ASIC2: variants seen among roughly 807,000 people sequenced by gnomAD.
The protein encoded by ASIC2 is acid sensing ion channel subunit 2, also known as acid-sensing ion channel 2.
ASIC2 carries 25 observed loss-of-function variants against 57.3 expected under a neutral mutation model. The ratio of observed to expected loss-of-function variants is 0.44; its 90% CI spans 0.32 to 0.61. ASIC2 has a LOEUF of 0.61. Among genes scored for constraint, ASIC2 ranks in the 20% least tolerant of loss-of-function variants. The probability of loss-of-function intolerance (pLI) is 0.06; values close to 1 mark genes in which losing one functional copy is unlikely to be tolerated. For synonymous variants in ASIC2, 319 were observed against 307.5 expected (o/e 1.04, Z -0.39); for missense variants, 641 against 738.1 (o/e 0.87, Z 1.52).
chr17:33,431,759 A>G (rs1050983293), intron 1 of ASIC2, among the ~76,000 whole-genome samples: 4 of 152,220 alleles, frequency 2.6e-5, no homozygotes, highest in African/African-American at 9.6e-5. Flanking sequence ...ATTGCGTTAA[A>G]ATAAACATCA....
At chr17:33,611,993 C>T (rs1332801143) in intron 1 of ASIC2, among the ~76,000 whole-genome samples, 1 of 152,164 alleles carries the variant, frequency 6.6e-6, no homozygotes, top group Non-Finnish European at 1.5e-5. Flanking sequence ...GGCCTGAGGA[C>T]CAGAAGGGCT....
At chr17:33,473,418 C>T (rs1020642387) in intron 1 of ASIC2, among the ~76,000 whole-genome samples, 1 of 152,184 alleles carries the variant, frequency 6.6e-6, no homozygotes, top group Admixed American at 6.5e-5. Context: ...AGGTACTCTG[C>T]TATAAATGAC....
At chr17:33,818,506 G>A (rs1912654465) in intron 1 of ASIC2, among the ~76,000 whole-genome samples, 1 of 152,154 alleles carries the variant, frequency 6.6e-6, no homozygotes, top group African/African-American at 2.4e-5. Context: ...TGAAGCGGTG[G>A]TTCTCAACCT....
At chr17:33,344,932 G>GTT (rs11402799) in intron 1 of ASIC2, among the ~76,000 whole-genome samples, 78 of 145,310 alleles carry the variant, frequency 5.4e-4, no homozygotes, top group East Asian at 2.4e-3. Context: ...CAAAACCTTG[G>GTT]TTTTTTTTTT....
At chr17:33,498,948 G>A (rs2079562828) in intron 1 of ASIC2, among the ~76,000 whole-genome samples, 1 of 152,290 alleles carries the variant, frequency 6.6e-6, no homozygotes, top group South Asian at 2.1e-4. Context: ...TGGTTTTACT[G>A]GGTTCTGAAT....
intron 1 of ASIC2, among the ~76,000 whole-genome samples, chr17:33,783,280 C>G (rs140656097): frequency 2.6e-5 from 4 of 152,324 alleles, no homozygotes; most frequent in Non-Finnish European, 5.9e-5. Flanking sequence ...AATCAGACAG[C>G]CTAGGTTCAA....
chr17:33,124,387 C>CAGACATAATTG (rs1180200977), intron 1 of ASIC2, among the ~76,000 whole-genome samples: 27 of 152,198 alleles, frequency 1.8e-4, no homozygotes, highest in Admixed American at 1.6e-3. Flanking sequence ...CATGATGCCA[C>CAGACATAATTG]TCTCCTTTCT....
intron 1 of ASIC2, among the ~76,000 whole-genome samples, chr17:33,152,240 T>G (rs1386683124): frequency 6.6e-6 from 1 of 152,182 alleles, no homozygotes; most frequent in Non-Finnish European, 1.5e-5. Flanking sequence ...TACTCGATCA[T>G]ACTAGACACA....
intron 1 of ASIC2, among the ~76,000 whole-genome samples, chr17:33,481,864 C>A (rs1261919886): frequency 6.6e-6 from 1 of 152,216 alleles, no homozygotes; most frequent in African/African-American, 2.4e-5. Flanking sequence ...CCATCCCCTG[C>A]CACTTGGCTT....
At chr17:33,117,892 C>T (rs2092287238) in intron 1 of ASIC2, among the ~76,000 whole-genome samples, 1 of 152,066 alleles carries the variant, frequency 6.6e-6, no homozygotes, top group Admixed American at 6.5e-5. Context: ...TTTGGGGGTT[C>T]CTGTGCTCTC....
intron 1 of ASIC2, among the ~76,000 whole-genome samples, chr17:34,022,629 G>GAAAAA: frequency 2.2e-5 from 2 of 90,268 alleles, no homozygotes; most frequent in African/African-American, 8.4e-5. Flanking sequence ...AATTTCCCAT[G>GAAAAA]AAAAAAAAAA....
chr17:33,179,747 A>G (rs1041594805), intron 1 of ASIC2, among the ~76,000 whole-genome samples: 1 of 152,226 alleles, frequency 6.6e-6, no homozygotes, highest in Non-Finnish European at 1.5e-5. Context: ...TGATGAGGCC[A>G]GAAGTTGAAT....
At chr17:33,040,647 C>T (rs75041856) in intron 3 of ASIC2, among the ~76,000 whole-genome samples, 12 of 152,296 alleles carry the variant, frequency 7.9e-5, no homozygotes, top group East Asian at 1.9e-4. Context: ...CCGATCAAGA[C>T]GAGGCCAGCA....
chr17:33,291,651 G>C lies in ASIC2; in HGVS notation c.465C>G (p.Gly155=). ...TGGGCAGCAGCAGCCCGAGCCAGTG[G>C]CCGGCATAGTAGAGGTCCCCCTTGG... ...RLSKGDLYYA[G]HWLGLLLPNR... The change falls in exon 1 of 10, where the codon GGC becomes GGG. Residue 155 remains glycine (G), a synonymous_variant. Transcript: ENST00000225823. 1.2e-6 allele frequency: 2 copies of C among 1,611,754 alleles called. No individual in the cohort carries two copies. The highest frequency in any genetic ancestry group is 1.7e-6 in the Non-Finnish European group (2 of 1,179,036).
intron 1 of ASIC2, among the ~76,000 whole-genome samples, chr17:34,135,431 G>A (rs2142132212): frequency 6.6e-6 from 1 of 152,324 alleles, no homozygotes; most frequent in African/African-American, 2.4e-5. Flanking sequence ...CAGACTGCTG[G>A]TTCTCTTGCT....
chr17:33,033,304 T>G (rs2091893544), intron 3 of ASIC2, among the ~76,000 whole-genome samples: 1 of 152,178 alleles, frequency 6.6e-6, no homozygotes, highest in Non-Finnish European at 1.5e-5. Flanking sequence ...TATCTGAGCC[T>G]CCCTGTGCTC....
chr17:33,213,429 C>G (rs1907358106), intron 1 of ASIC2, among the ~76,000 whole-genome samples: 2 of 152,182 alleles, frequency 1.3e-5, no homozygotes, highest in African/African-American at 4.8e-5. Flanking sequence ...GTGGCCAGAA[C>G]TCTCAGAGTT....
At chr17:33,191,520 AAAG>A (rs58910662) in intron 1 of ASIC2, among the ~76,000 whole-genome samples, 3,676 of 152,024 alleles carry the variant, frequency 0.024, 141 homozygotes, top group African/African-American at 0.083. Flanking sequence ...TAAAATGTTA[AAAG>A]AAGAAGAAGA....
intron 1 of ASIC2, among the ~76,000 whole-genome samples, chr17:33,872,509 A>G (rs948990245): frequency 3.9e-5 from 6 of 152,142 alleles, no homozygotes; most frequent in Admixed American, 2.6e-4. Context: ...ACCTATTCTC[A>G]TGGAACTGTT....
Sources: allele counts gnomAD v4.1 joint callset (sites outside exome capture counted in the v4.1 genomes callset), GRCh38; gene constraint gnomAD v4.1.1; transcripts MANE v1.5; gene names NCBI Gene and HGNC (gene_info 2026-07-23, HGNC 2026-07-21).